EPCAM: variants seen among roughly 807,000 people sequenced by gnomAD.
The protein encoded by EPCAM is epithelial cell adhesion molecule, also known as adenocarcinoma-associated antigen.
In EPCAM, 39 loss-of-function variants were observed where a neutral mutation model predicts 40.0. That is an observed-to-expected ratio of 0.98 (90% confidence interval 0.76 to 1.27). The LOEUF (loss-of-function observed/expected upper bound fraction) is 1.27, where lower values mean the gene tolerates loss of function less well. EPCAM is among the 50% of genes most tolerant of loss of function. The probability of loss-of-function intolerance (pLI) is 0.00; values close to 1 mark genes in which losing one functional copy is unlikely to be tolerated. For synonymous variants in EPCAM, 168 were observed against 132.3 expected, an observed-to-expected ratio of 1.27 and a Z score of -1.85; for missense variants, 503 against 381.2, an observed-to-expected ratio of 1.32 and a Z score of -2.66.
At position 47,383,620 on chromosome 2, in the gene EPCAM, T is replaced by C. The variant is rs1299641776; in HGVS notation, c.859-1546T>C. On this transcript the variant is annotated intron_variant, in intron 7 of 8. Coordinates refer to ENST00000263735, the MANE Select transcript of EPCAM (RefSeq NM_002354.3). ...GCCCGGCTTCTTCTTTTTTTTTTTTTTTTTTTTTTTTTTTTTTTTTTTTTT... is the reference window on the plus strand; with the variant it reads ...GCCCGGCTTCTTCTTTTTTTTTTTTCTTTTTTTTTTTTTTTTTTTTTTTTT... Among the ~76,000 whole-genome samples, 233 of 65,198 alleles carry C rather than the reference T, an allele frequency of 3.6e-3. 10 individuals are homozygous for C. Among genetic ancestry groups the C allele is most frequent in the African/African-American group, 0.016 (221 of 13,840 alleles). 42.8% of individuals were successfully genotyped at this position (65,198 alleles called of 152,430 possible).
chr2:47,369,660 C>T lies in EPCAM; in HGVS notation c.76+79C>T, dbSNP rs556133821. On this transcript the variant is annotated intron_variant, in intron 1 of 8. Coordinates refer to ENST00000263735, the MANE Select transcript of EPCAM (RefSeq NM_002354.3). The stretch of plus-strand genomic sequence containing the variant: ...GGCCCCCGGCCCTCGGCCCCCGAAA[C>T]GGGCATAATAGGGAGGGGACCAAGA... The T allele has an allele frequency of 8.6e-6, 12 of 1,394,584 alleles. No homozygotes were observed. In the South Asian group the frequency reaches 8.6e-5, roughly 10 times the overall value. 86.4% of individuals were successfully genotyped at this position (1,394,584 alleles called of 1,614,324 possible).
chr2:47,385,334 G>A (rs1313733045), intron 8 of EPCAM, 124 bp downstream of exon 8: 2 of 805,830 alleles, frequency 2.5e-6, no homozygotes, highest in African/African-American at 1.7e-5. Context: ...TGTCTTTAGG[G>A]TCTTAGGGAC....
rs565687201 is a variant in EPCAM, at chr2:47,370,992, C to G, written c.76+1411C>G. 7.1e-4 allele frequency among the ~76,000 whole-genome samples: 108 copies of G among 152,124 alleles called. No individual in the cohort carries two copies. In the South Asian group the frequency reaches 0.021, roughly 30 times the overall value. On this transcript the variant is annotated intron_variant, in intron 1 of 8. Coordinates refer to ENST00000263735, the MANE Select transcript of EPCAM (RefSeq NM_002354.3). ...CCTCCCAAAGTGCTGGGATTACAGACGTCAGCCACAGTGCCAGCCGAATAT... is the reference window on the plus strand; with the variant it reads ...CCTCCCAAAGTGCTGGGATTACAGAGGTCAGCCACAGTGCCAGCCGAATAT...
chr2:47,376,027 T>C (rs1402513905), intron 4 of EPCAM, among the ~76,000 whole-genome samples: 1 of 152,066 alleles, frequency 6.6e-6, no homozygotes, highest in East Asian at 1.9e-4. Context: ...TTATATCACG[T>C]TGTGCCCATT....
intron 1 of EPCAM, among the ~76,000 whole-genome samples, chr2:47,372,614 A>T (rs1009190072): frequency 6.6e-6 from 1 of 152,134 alleles, no homozygotes; most frequent in Non-Finnish European, 1.5e-5. Flanking sequence ...TCTACTAAAA[A>T]TACAAAAATT....
chr2:47,385,622 A>G (rs1304929350), intron 8 of EPCAM, among the ~76,000 whole-genome samples: 1 of 152,206 alleles, frequency 6.6e-6, no homozygotes, highest in Non-Finnish European at 1.5e-5. Flanking sequence ...ACTAGTCTAT[A>G]CTAGTGTGAC....
At chr2:47,374,123 A>C in intron 3 of EPCAM, 75 bp downstream of exon 3, 1 of 1,526,104 alleles carries the variant, frequency 6.6e-7, no homozygotes, top group Non-Finnish European at 9.0e-7. Context: ...TTGATTATGT[A>C]ATATGATTTC....
rs1409486268 is a variant in EPCAM at position 47,386,858 on chromosome 2, C to G, written c.*245C>G. On this transcript the variant is annotated 3_prime_UTR_variant, in exon 9 of 9. Transcript: ENST00000263735. ...GTAAAATCCAGAACTTGGACTCCAT[C>G]GTTAAAATTATTTATGTGTAACATT... 2.8e-6 allele frequency: 1 copy of G among 362,110 alleles called. No individual in the cohort carries two copies. Among genetic ancestry groups the G allele is most frequent in the Non-Finnish European group, 5.0e-6 (1 of 199,926 alleles). The allele number at this position is 362,110 out of a possible 1,614,324, so 22.4% of individuals were successfully genotyped here.
rs377448096 is a variant in EPCAM, at chr2:47,384,959, G to A, written c.859-207G>A. Among the ~76,000 whole-genome samples the A allele has an allele frequency of 1.3e-4, 20 of 151,950 alleles. No homozygotes were observed. The East Asian group carries it at 3.3e-3, about 25-fold the overall frequency. Reference sequence around the variant, plus strand: ...TGACCTCAGATGATCTTCCCGCTTCGGCCTCCCAAAGTGCCGGGATTACAG... The same window carrying A: ...TGACCTCAGATGATCTTCCCGCTTCAGCCTCCCAAAGTGCCGGGATTACAG... On this transcript the variant is annotated intron_variant, in intron 7 of 8. Coordinates refer to ENST00000263735, the MANE Select transcript of EPCAM (RefSeq NM_002354.3).
Position 47,386,789 on chromosome 2 carries a change from A to T in EPCAM, c.*176A>T. 5.9e-6 allele frequency: 3 copies of T among 504,616 alleles called. No individual in the cohort carries two copies. 31.3% of individuals were successfully genotyped at this position (504,616 alleles called of 1,614,324 possible). ...AAGCAGCTTGAAACTGGCTTTACCAATCTTGAAATTTGACCACAAGTGTCT... is the reference window on the plus strand; with the variant it reads ...AAGCAGCTTGAAACTGGCTTTACCATTCTTGAAATTTGACCACAAGTGTCT... On this transcript the variant is annotated 3_prime_UTR_variant, in exon 9 of 9. Transcript: ENST00000263735.
At chr2:47,382,578 C>G (rs1486333421) in intron 7 of EPCAM, among the ~76,000 whole-genome samples, 1 of 152,078 alleles carries the variant, frequency 6.6e-6, no homozygotes, top group Non-Finnish European at 1.5e-5. Flanking sequence ...TCTGGCTACT[C>G]AGGAGGCTGA....
At chr2:47,371,504 C>T (rs1460005136) in intron 1 of EPCAM, among the ~76,000 whole-genome samples, 2 of 152,232 alleles carry the variant, frequency 1.3e-5, no homozygotes, top group African/African-American at 4.8e-5. Flanking sequence ...TTTACACTTT[C>T]ACCAATGGAG....
At chr2:47,370,266 T>TTTTA (rs1458715943) in intron 1 of EPCAM, among the ~76,000 whole-genome samples, 1 of 152,172 alleles carries the variant, frequency 6.6e-6, no homozygotes, top group Non-Finnish European at 1.5e-5. Context: ...CTTTCTTTCT[T>TTTTA]TTTATTTATT....
intron 4 of EPCAM, among the ~76,000 whole-genome samples, 162 bp downstream of exon 4, chr2:47,375,461 C>G (rs1204024630): frequency 6.6e-6 from 1 of 152,198 alleles, no homozygotes; most frequent in Non-Finnish European, 1.5e-5. Context: ...TGGGAATACA[C>G]TTCACTCAGA....
chr2:47,378,852 A>C (rs1432149878), intron 5 of EPCAM, 101 bp from the exon 6 acceptor site: 4 of 699,880 alleles, frequency 5.7e-6, no homozygotes, highest in Non-Finnish European at 1.0e-5. Flanking sequence ...TGTAGATTAT[A>C]GAAAATCAAA....
In EPCAM at chr2:47,379,126, C is replaced by A. The variant is rs1320909270; in HGVS notation, c.657+72C>A. ...ATGCCTCAATGAATTAAATATATTT[C>A]ATCACCTTTTTATCCACTTACAGAT... On this transcript the variant is annotated intron_variant, in intron 6 of 8. Coordinates refer to ENST00000263735, the MANE Select transcript of EPCAM (RefSeq NM_002354.3). 1.5e-5 allele frequency: 13 copies of A among 882,648 alleles called. No individual in the cohort carries two copies. In the South Asian group the frequency reaches 1.6e-4, roughly 11 times the overall value. 54.7% of individuals were successfully genotyped at this position (882,648 alleles called of 1,614,324 possible). A position where few individuals can be genotyped will look rare whatever the true frequency, so the allele number is the denominator to read the frequency against.
At chr2:47,369,715 G>A in intron 1 of EPCAM, 134 bp downstream of exon 1, 1 of 938,306 alleles carries the variant, frequency 1.1e-6, no homozygotes, top group Non-Finnish European at 1.7e-6. Context: ...GAGACCGGAC[G>A]GTGCGGCCGT....
Position 47,380,093 on chromosome 2 carries a change from A to T in EPCAM, c.858+124A>T, listed in dbSNP as rs1671549659. 12 of 1,486,162 alleles carry T rather than the reference A, an allele frequency of 8.1e-6. No homozygotes were observed. The South Asian group carries it at 1.5e-4, about 18-fold the overall frequency. The allele number at this position is 1,486,162 out of a possible 1,614,324, so 92.1% of individuals were successfully genotyped here. ...CACTTTGGGAGGCTGAGACAGGTGG[A>T]TCACTTGAGCCCAGGAGTTTGAGAC... On this transcript the variant is annotated intron_variant, in intron 7 of 8. Transcript: ENST00000263735.
chr2:47,381,807 C>T (rs114108776), intron 7 of EPCAM, among the ~76,000 whole-genome samples: 2,767 of 152,226 alleles, frequency 0.018, 74 homozygotes, highest in African/African-American at 0.063. Flanking sequence ...TGCTGTGTCA[C>T]CCAGGCTGGA....
Sources: gnomAD v4.1 joint callset for allele counts (sites outside exome capture counted in the v4.1 genomes callset) on GRCh38, gnomAD v4.1.1 for gene constraint, MANE v1.5 for transcripts, NCBI Gene and HGNC (gene_info 2026-07-23, HGNC 2026-07-21) for gene names.